ARHGEF12: variants seen among roughly 807,000 people sequenced by gnomAD.
ARHGEF12 encodes KMT2A/ARHGEF12 fusion protein.
A neutral mutation model predicts 211.2 loss-of-function variants in ARHGEF12; 66 were observed. The observed-to-expected ratio is 0.31, with a 90% CI of 0.26 to 0.38. The LOEUF (loss-of-function observed/expected upper bound fraction) is 0.38. Among genes scored for constraint, ARHGEF12 ranks in the 10% least tolerant of loss-of-function variants. The probability of loss-of-function intolerance (pLI) is 1.00; values close to 1 mark genes in which losing one functional copy is unlikely to be tolerated. For synonymous variants in ARHGEF12, 592 were observed against 638.4 expected (o/e 0.93, Z 1.09); for missense variants, 1,429 against 1,869.5 (o/e 0.76, Z 4.34).
chr11:120,434,022 A>T lies in ARHGEF12; in HGVS notation c.924+2111A>T, dbSNP rs562022414. ...GAAATAGGCATTCCAATCAATTAAG[A>T]CTGTTTGACATGTAATTGATACTTA... On this transcript the variant is annotated intron_variant, in intron 11 of 40. Coordinates refer to ENST00000397843, the MANE Select transcript of ARHGEF12 (RefSeq NM_015313.3). 1.1e-4 allele frequency among the ~76,000 whole-genome samples: 16 copies of T among 152,296 alleles called. 1 individual carries two copies. In the South Asian group the frequency reaches 2.9e-3, roughly 28 times the overall value.
intron 1 of ARHGEF12, among the ~76,000 whole-genome samples, chr11:120,349,936 G>A (rs1942884593): frequency 6.6e-6 from 1 of 152,180 alleles, no homozygotes; most frequent in South Asian, 2.1e-4. Flanking sequence ...GTGAGGAATA[G>A]ATTTAAGAGT....
chr11:120,459,089 G>A, intron 25 of ARHGEF12, 85 bp from the exon 26 acceptor site: 1 of 1,058,656 alleles, frequency 9.4e-7, no homozygotes, highest in Non-Finnish European at 1.3e-6. Flanking sequence ...TAATTCATTT[G>A]CTACTTCACT....
chr11:120,457,259 G>A lies in ARHGEF12; in HGVS notation c.2189+9G>A. 1 of 1,613,580 alleles carries A rather than the reference G, an allele frequency of 6.2e-7. No homozygotes were observed. The highest frequency in any genetic ancestry group is 1.3e-5 in the African/African-American group (1 of 74,994). On this transcript the variant is annotated intron_variant, in intron 23 of 40. Coordinates refer to ENST00000397843, the MANE Select transcript of ARHGEF12 (RefSeq NM_015313.3). Reference sequence around the variant, plus strand: ...GAATGTGAAGTAGAAAGGTAATTCAGTGATCTCTTAGAGAAGCTTAGGGCA... The same window carrying A: ...GAATGTGAAGTAGAAAGGTAATTCAATGATCTCTTAGAGAAGCTTAGGGCA...
chr11:120,481,095 T>A (rs1047468155), intron 38 of ARHGEF12, among the ~76,000 whole-genome samples, 165 bp from the exon 39 acceptor site: 6 of 152,202 alleles, frequency 3.9e-5, no homozygotes, highest in Non-Finnish European at 5.9e-5. Flanking sequence ...AGTTTAGCTT[T>A]CATCTGAAGT....
At chr11:120,406,633 A>G (rs1944712238) in intron 2 of ARHGEF12, among the ~76,000 whole-genome samples, 1 of 152,142 alleles carries the variant, frequency 6.6e-6, no homozygotes, top group Non-Finnish European at 1.5e-5. Flanking sequence ...ATCTCAGCTC[A>G]CTGCAAGCAC....
At chr11:120,356,771 A>AC (rs1350743956) in intron 1 of ARHGEF12, among the ~76,000 whole-genome samples, 1 of 151,788 alleles carries the variant, frequency 6.6e-6, no homozygotes, top group South Asian at 2.1e-4. Context: ...GACCTTTCCC[A>AC]CCCTTTATAT....
At chr11:120,358,535 T>G (rs1345907245) in intron 1 of ARHGEF12, among the ~76,000 whole-genome samples, 2 of 152,216 alleles carry the variant, frequency 1.3e-5, no homozygotes, top group African/African-American at 4.8e-5. Flanking sequence ...GTATTCACTA[T>G]CTGTTGTATG....
At chr11:120,421,906 T>G in intron 6 of ARHGEF12, 54 bp downstream of exon 6, 1 of 1,380,040 alleles carries the variant, frequency 7.2e-7, no homozygotes, top group Middle Eastern at 1.9e-4. Flanking sequence ...CAACATATAT[T>G]GGTCATATTC....
chr11:120,370,597 A>G (rs1307626569), intron 1 of ARHGEF12, among the ~76,000 whole-genome samples: 1 of 152,172 alleles, frequency 6.6e-6, no homozygotes, highest in Non-Finnish European at 1.5e-5. Flanking sequence ...CTTCCTATAC[A>G]TGAACGTGGT....
chr11:120,349,675 C>T (rs541044517), intron 1 of ARHGEF12, among the ~76,000 whole-genome samples: 187 of 152,182 alleles, frequency 1.2e-3, no homozygotes, highest in Non-Finnish European at 2.2e-3. Context: ...ATTGTCGTGA[C>T]GATTAAATGA....
chr11:120,360,602 A>G lies in ARHGEF12; in HGVS notation c.32+23327A>G, dbSNP rs191488288. On this transcript the variant is annotated intron_variant, in intron 1 of 40. Transcript: ENST00000397843. ...AGATGAGGTTTCACCATGTTGCCCCAGGCTGGTCTTGAACTCCTAGGCTCA... is the reference window on the plus strand; with the variant it reads ...AGATGAGGTTTCACCATGTTGCCCCGGGCTGGTCTTGAACTCCTAGGCTCA... Among the ~76,000 whole-genome samples, 279 of 152,248 alleles carry G rather than the reference A, an allele frequency of 1.8e-3. 1 individual carries two copies. The highest frequency in any genetic ancestry group is 6.4e-3 in the African/African-American group (268 of 41,568).
chr11:120,458,973 A>T, intron 25 of ARHGEF12: 1 of 375,360 alleles, frequency 2.7e-6, no homozygotes, highest in Non-Finnish European at 4.6e-6. Flanking sequence ...GATATTTTTT[A>T]TTTGTCAGTA....
At chr11:120,419,565 C>T (rs1945123650) in intron 4 of ARHGEF12, among the ~76,000 whole-genome samples, 1 of 151,678 alleles carries the variant, frequency 6.6e-6, no homozygotes, top group Admixed American at 6.6e-5. Context: ...TGTTAAGCTA[C>T]AGTAGGCTCA....
chr11:120,398,578 T>TG (rs1555103541), intron 1 of ARHGEF12, among the ~76,000 whole-genome samples: 4 of 152,110 alleles, frequency 2.6e-5, no homozygotes, highest in East Asian at 1.9e-4. Context: ...TGTGTTTTTT[T>TG]TGTGTGTGTG....
intron 1 of ARHGEF12, among the ~76,000 whole-genome samples, chr11:120,383,495 C>T (rs1275443590): frequency 1.3e-5 from 2 of 152,098 alleles, no homozygotes; most frequent in Non-Finnish European, 2.9e-5. Context: ...AGTTTGTTTT[C>T]TTGCAACTTG....
chr11:120,470,889 C>T (rs1483707893), intron 30 of ARHGEF12, among the ~76,000 whole-genome samples: 38 of 152,122 alleles, frequency 2.5e-4, no homozygotes. Context: ...TACTTTTGTT[C>T]CAAAACAGTG....
rs564326018 is a variant in ARHGEF12 at position 120,478,616 on chromosome 11, A to G, written c.3766+227A>G. Among the ~76,000 whole-genome samples, 26 of 152,318 alleles carry G rather than the reference A, an allele frequency of 1.7e-4. No homozygotes were observed. The East Asian group carries it at 4.0e-3, about 24-fold the overall frequency. On this transcript the variant is annotated intron_variant, in intron 37 of 40. Transcript: ENST00000397843. ...ATCACTGTTAAAATGGGAGGATAGC[A>G]TATCTCTCAGTTGTATTGAGGTGGG...
In ARHGEF12 at chr11:120,487,472, C is replaced by T. The variant is rs1273569702; in HGVS notation, c.*2395C>T. 2.3e-5 allele frequency: 5 copies of T among 217,242 alleles called. No homozygotes were observed. The Admixed American group carries it at 2.3e-4, about 10-fold the overall frequency. The allele number at this position is 217,242 out of a possible 1,614,324, so 13.5% of individuals were successfully genotyped here. Reference sequence around the variant, plus strand: ...CTCTTTTCCCTCCCAACTTGGCCTCCCACACGTTCCATTTCATTTTGGCCA... The same window carrying T: ...CTCTTTTCCCTCCCAACTTGGCCTCTCACACGTTCCATTTCATTTTGGCCA... On this transcript the variant is annotated 3_prime_UTR_variant, in exon 41 of 41. Coordinates refer to ENST00000397843, the MANE Select transcript of ARHGEF12 (RefSeq NM_015313.3).
chr11:120,472,660 AT>A (rs558512294), intron 30 of ARHGEF12, among the ~76,000 whole-genome samples: 62 of 145,936 alleles, frequency 4.2e-4, no homozygotes, highest in South Asian at 1.5e-3. Context: ...TAAAATGGAG[AT>A]TTTTTTTTTT....
Sources: allele counts gnomAD v4.1 joint callset (sites outside exome capture counted in the v4.1 genomes callset), GRCh38; gene constraint gnomAD v4.1.1; transcripts MANE v1.5; gene names NCBI Gene and HGNC (gene_info 2026-07-23, HGNC 2026-07-21).